Variants in SLC31A1 observed in about 807,000 individuals in gnomAD.
SLC31A1 encodes high affinity copper uptake protein 1.
SLC31A1 carries 5 observed loss-of-function variants against 17.2 expected under a neutral mutation model. The ratio of observed to expected loss-of-function variants is 0.29; its 90% CI spans 0.15 to 0.61. The LOEUF (loss-of-function observed/expected upper bound fraction) is 0.61. Among genes scored for constraint, SLC31A1 ranks in the 20% least tolerant of loss-of-function variants. The pLI is 0.86. For missense variants in SLC31A1, 161 were observed against 241.4 expected, an observed-to-expected ratio of 0.67 and a Z score of 2.21; for synonymous variants, 76 against 78.8, an observed-to-expected ratio of 0.96 and a Z score of 0.19.
At chr9:113,236,355 T>G (rs1359933742) in intron 1 of SLC31A1, among the ~76,000 whole-genome samples, 1 of 152,008 alleles carries the variant, frequency 6.6e-6, no homozygotes, top group Non-Finnish European at 1.5e-5. Context: ...ATTCTTTTTT[T>G]GTTGTTTTTT....
chr9:113,234,969 CAAAT>C (rs930263666), intron 1 of SLC31A1, among the ~76,000 whole-genome samples: 29 of 151,910 alleles, frequency 1.9e-4, no homozygotes, highest in Non-Finnish European at 3.5e-4. Flanking sequence ...CTTAGGATAA[CAAAT>C]AAAGCATGAT....
chr9:113,256,490 C>A, intron 2 of SLC31A1: 17 of 471,844 alleles, frequency 3.6e-5, no homozygotes, highest in Non-Finnish European at 4.2e-5. Flanking sequence ...AGGCTTCTTT[C>A]TTTGGTGGTC....
In SLC31A1 at chr9:113,258,161, G is replaced by T. The variant is rs7025136; in HGVS notation, c.203-533G>T. Among the ~76,000 whole-genome samples, 1 of 152,278 alleles carries T rather than the reference G, an allele frequency of 6.6e-6. No individual in the cohort carries two copies. The highest frequency in any genetic ancestry group is 1.9e-4 in the East Asian group (1 of 5,190). ...TTAACTTGCGCAAACTCAATAGTCA[G>T]TTGGACTGCCTTAGGTACCAGATGT... On this transcript the variant is annotated intron_variant, in intron 3 of 4. Transcript: ENST00000374212. The surrounding 1 kb of genome is among the most constrained non-coding windows in gnomAD (Gnocchi z 4.8).
intron 1 of SLC31A1, among the ~76,000 whole-genome samples, chr9:113,255,103 C>A (rs1246218533): frequency 6.6e-6 from 1 of 152,150 alleles, no homozygotes; most frequent in African/African-American, 2.4e-5. Context: ...TATCTGAAGT[C>A]TGAGCACACT....
intron 1 of SLC31A1, among the ~76,000 whole-genome samples, chr9:113,243,078 T>C (rs1164595102): frequency 1.3e-5 from 2 of 151,784 alleles, no homozygotes; most frequent in East Asian, 3.8e-4. Context: ...CTCTAGGCTT[T>C]TTTTTTTTTG....
At chr9:113,240,267 A>G (rs1383620937) in intron 1 of SLC31A1, among the ~76,000 whole-genome samples, 3 of 152,208 alleles carry the variant, frequency 2.0e-5, no homozygotes, top group African/African-American at 7.2e-5. Context: ...CCACAAAGGC[A>G]AGTACCTTGT....
intron 1 of SLC31A1, among the ~76,000 whole-genome samples, chr9:113,234,935 C>G (rs867423514): frequency 6.6e-6 from 1 of 152,028 alleles, no homozygotes; most frequent in Non-Finnish European, 1.5e-5. Flanking sequence ...TAACTTGTTA[C>G]GAGTTTTAAG....
At chr9:113,256,437 A>T in intron 2 of SLC31A1, 160 bp downstream of exon 2, 1 of 721,700 alleles carries the variant, frequency 1.4e-6, no homozygotes, top group African/African-American at 1.8e-5. Context: ...GCTCCAGATT[A>T]TGTGGCAAGC....
chr9:113,256,985 C>G, intron 2 of SLC31A1, 128 bp from the exon 3 acceptor site: 2 of 791,398 alleles, frequency 2.5e-6, no homozygotes, highest in South Asian at 2.8e-5. Context: ...GGGCAAAAGC[C>G]TCCCACTCAC....
intron 1 of SLC31A1, among the ~76,000 whole-genome samples, chr9:113,252,850 C>A (rs1322699773): frequency 6.6e-6 from 1 of 152,064 alleles, no homozygotes; most frequent in East Asian, 1.9e-4. Flanking sequence ...ATTTTTCAGA[C>A]TCTCATTGGA....
In SLC31A1 at chr9:113,258,161, G is replaced by A. The variant is rs7025136; in HGVS notation, c.203-533G>A. Among the ~76,000 whole-genome samples the A allele has an allele frequency of 0.061, 9,234 of 152,260 alleles. 337 individuals carry two copies. Among genetic ancestry groups the A allele is most frequent in the African/African-American group, 0.085 (3,548 of 41,534 alleles). The stretch of plus-strand genomic sequence containing the variant: ...TTAACTTGCGCAAACTCAATAGTCA[G>A]TTGGACTGCCTTAGGTACCAGATGT... On this transcript the variant is annotated intron_variant, in intron 3 of 4. Transcript: ENST00000374212. This position sits in a 1 kb window ranked among gnomAD's most constrained non-coding sequence, Gnocchi z 4.8.
intron 1 of SLC31A1, among the ~76,000 whole-genome samples, chr9:113,244,933 T>C (rs1359649691): frequency 6.6e-6 from 1 of 152,224 alleles, no homozygotes; most frequent in Non-Finnish European, 1.5e-5. Context: ...ATTTCTTTTT[T>C]TTCTTGTTGA....
chr9:113,250,038 G>A (rs1047375328), intron 1 of SLC31A1, among the ~76,000 whole-genome samples: 2 of 151,872 alleles, frequency 1.3e-5, no homozygotes, highest in East Asian at 1.9e-4. Context: ...ACAGGTGCTG[G>A]AGAGGATGTG....
chr9:113,241,252 G>A (rs2118997913), intron 1 of SLC31A1, among the ~76,000 whole-genome samples: 1 of 152,242 alleles, frequency 6.6e-6, no homozygotes, highest in South Asian at 2.1e-4. Context: ...TTTGCAGGCA[G>A]AAATTAGTTT....
At position 113,256,612 on chromosome 9, in the gene SLC31A1, A is replaced by C. The variant is rs1307376118; in HGVS notation, c.129+335A>C. 2.2e-5 allele frequency: 6 copies of C among 272,444 alleles called. No homozygotes were observed. The East Asian group carries it at 4.6e-4, about 21-fold the overall frequency. 16.9% of individuals were successfully genotyped at this position (272,444 alleles called of 1,614,324 possible). A position where few individuals can be genotyped will look rare whatever the true frequency, so the allele number is the denominator to read the frequency against. ...CACAGTGGCTCATGCCTGTAATCCC[A>C]ACACTTTGGGAGGCCAAGGCAGGTG... On this transcript the variant is annotated intron_variant, in intron 2 of 4. Coordinates refer to ENST00000374212, the MANE Select transcript of SLC31A1 (RefSeq NM_001859.4).
intron 1 of SLC31A1, among the ~76,000 whole-genome samples, chr9:113,232,355 G>C (rs1831410242): frequency 6.6e-6 from 1 of 152,034 alleles, no homozygotes; most frequent in African/African-American, 2.4e-5. Context: ...ATTATTTATA[G>C]TCAGAAAACA....
Position 113,257,099 on chromosome 9 carries a change from T to C in SLC31A1, c.130-14T>C. 6.2e-7 allele frequency: 1 copy of C among 1,611,964 alleles called. No individual in the cohort carries two copies. The highest frequency in any genetic ancestry group is 8.5e-7 in the Non-Finnish European group (1 of 1,178,070). On this transcript the variant is annotated splice_polypyrimidine_tract_variant and intron_variant, in intron 2 of 4. Coordinates refer to ENST00000374212, the MANE Select transcript of SLC31A1 (RefSeq NM_001859.4). ...TCATTCATCTCTAACTGACTTGTTT[T>C]GGTTTTCTGGCAGCCTATGACCTTC...
At chr9:113,224,600 G>C (rs1288676842) in intron 1 of SLC31A1, among the ~76,000 whole-genome samples, 2 of 152,096 alleles carry the variant, frequency 1.3e-5, no homozygotes, top group Non-Finnish European at 2.9e-5. Context: ...GGCTAATTTT[G>C]TATTTTTAGT....
At chr9:113,238,349 T>A (rs1831485832) in intron 1 of SLC31A1, among the ~76,000 whole-genome samples, 1 of 152,210 alleles carries the variant, frequency 6.6e-6, no homozygotes, top group Non-Finnish European at 1.5e-5. Flanking sequence ...AATACTGAGG[T>A]TGAAACCCTG....
Sources: gnomAD v4.1 joint callset for allele counts (sites outside exome capture counted in the v4.1 genomes callset) on GRCh38, gnomAD v4.1.1 for gene constraint, Gnocchi (gnomAD v3.1) non-coding constraint, MANE v1.5 for transcripts, NCBI Gene and HGNC (gene_info 2026-07-23, HGNC 2026-07-21) for gene names.